CCDC178: variants seen among roughly 807,000 people sequenced by gnomAD.
The protein encoded by CCDC178 is coiled-coil domain-containing protein 178.
Under a neutral mutation model 117.4 loss-of-function variants are expected in CCDC178, and 126 were observed. The ratio of observed to expected loss-of-function variants is 1.07; its 90% CI spans 0.93 to 1.24. CCDC178 has a LOEUF of 1.24. CCDC178 is among the 50% of genes most tolerant of loss of function. CCDC178 has a pLI of 0.00. For synonymous variants in CCDC178, 283 were observed against 313.4 expected (o/e 0.90, Z 1.02); for missense variants, 1,030 against 986.9 (o/e 1.04, Z -0.59).
At chr18:33,044,664 A>T (rs35834553) in intron 21 of CCDC178, among the ~76,000 whole-genome samples, 1 of 151,924 alleles carries the variant, frequency 6.6e-6, no homozygotes, top group East Asian at 1.9e-4. Context: ...ATCTGGGTAT[A>T]TACCCAAAGG....
At chr18:33,323,704 G>T in intron 10 of CCDC178, 71 bp from the exon 11 acceptor site, 3 of 924,886 alleles carry the variant, frequency 3.2e-6, no homozygotes, top group Non-Finnish European at 4.4e-6. Context: ...TCAACTTAGT[G>T]TAGTATTGAT....
At chr18:33,049,036 T>G (rs535272570) in intron 21 of CCDC178, among the ~76,000 whole-genome samples, 91 of 152,110 alleles carry the variant, frequency 6.0e-4, no homozygotes, top group Non-Finnish European at 1.0e-3. Context: ...AATCAACTGA[T>G]AAGCAAATGA....
intron 20 of CCDC178, among the ~76,000 whole-genome samples, chr18:33,177,059 C>G (rs940411009): frequency 2.0e-5 from 3 of 152,150 alleles, no homozygotes; most frequent in African/African-American, 7.2e-5. Flanking sequence ...TTTGCAGGTA[C>G]ATGGATAAAG....
chr18:33,279,063 C>T, intron 12 of CCDC178, among the ~76,000 whole-genome samples: 1 of 149,232 alleles, frequency 6.7e-6, no homozygotes, highest in South Asian at 2.1e-4. Flanking sequence ...GATGCCCTCA[C>T]TCACCACTCC....
intron 15 of CCDC178, among the ~76,000 whole-genome samples, chr18:33,237,191 G>C (rs1420053323): frequency 1.3e-5 from 2 of 152,100 alleles, no homozygotes; most frequent in African/African-American, 4.8e-5. Flanking sequence ...TCCAAGCCCA[G>C]TGGCTACACT....
At chr18:33,012,441 T>C (rs1305476367) in intron 21 of CCDC178, among the ~76,000 whole-genome samples, 1 of 152,184 alleles carries the variant, frequency 6.6e-6, no homozygotes, top group African/African-American at 2.4e-5. Context: ...ATATTTTACA[T>C]GTATATGATT....
chr18:33,084,379 A>G (rs529875587), intron 21 of CCDC178, among the ~76,000 whole-genome samples: 2 of 152,070 alleles, frequency 1.3e-5, no homozygotes, highest in Non-Finnish European at 2.9e-5. Context: ...CCATCTGTAA[A>G]ATTTTACAGG....
At position 33,121,670 on chromosome 18, in the gene CCDC178, A is replaced by G. The variant is rs376839791; in HGVS notation, c.2239-28760T>C. 2.6e-5 allele frequency among the ~76,000 whole-genome samples: 4 copies of G among 152,252 alleles called. No individual in the cohort carries two copies. In the East Asian group the frequency reaches 7.7e-4, roughly 29 times the overall value. ...GGAAGACCCAAGTCTGAGGCTAGATATTGCCACTAAAAGCATCGTAATCTC... is the reference window on the plus strand; with the variant it reads ...GGAAGACCCAAGTCTGAGGCTAGATGTTGCCACTAAAAGCATCGTAATCTC... On this transcript the variant is annotated intron_variant, in intron 20 of 22. Coordinates refer to ENST00000383096, the MANE Select transcript of CCDC178 (RefSeq NM_001105528.4).
At chr18:33,166,581 G>A (rs1242666198) in intron 20 of CCDC178, among the ~76,000 whole-genome samples, 1 of 152,148 alleles carries the variant, frequency 6.6e-6, no homozygotes, top group African/African-American at 2.4e-5. Flanking sequence ...ACAAGGTTCA[G>A]TAACATTAAC....
chr18:32,955,973 T>C (rs2054585352), intron 22 of CCDC178, among the ~76,000 whole-genome samples: 1 of 152,208 alleles, frequency 6.6e-6, no homozygotes, highest in South Asian at 2.1e-4. Context: ...CTAGCCATCA[T>C]GGTCCATTCC....
At chr18:33,369,606 A>G (rs1407343517) in intron 6 of CCDC178, among the ~76,000 whole-genome samples, 3 of 152,072 alleles carry the variant, frequency 2.0e-5, no homozygotes, top group African/African-American at 7.2e-5. Flanking sequence ...ACAGGTTAAA[A>G]AGACATAGAA....
Position 33,215,598 on chromosome 18 carries a change from GC to G in CCDC178, c.2029del (p.Ala677GlnfsTer16). ...KINELNEELK[A>X]KEEEKKSFDQ... ...AAAACTTTTCTTTTCTTCTTCTTTT[GC>G]TTTTAATTCCTCATTCAATTCATTT... On this transcript the variant is annotated frameshift_variant, in exon 19 of 23. Coordinates refer to ENST00000383096, the MANE Select transcript of CCDC178 (RefSeq NM_001105528.4). LOFTEE classifies it high-confidence loss of function. 1 of 1,497,372 alleles carries G rather than the reference GC, an allele frequency of 6.7e-7. No individual in the cohort carries two copies. The highest frequency in any genetic ancestry group is 1.3e-5 in the South Asian group (1 of 75,104). 92.8% of individuals were successfully genotyped at this position (1,497,372 alleles called of 1,614,324 possible).
intron 2 of CCDC178, among the ~76,000 whole-genome samples, chr18:33,429,115 T>C (rs1312931668): frequency 6.6e-6 from 1 of 152,080 alleles, no homozygotes; most frequent in African/African-American, 2.4e-5. Flanking sequence ...AGCTATGACT[T>C]CATAAATATA....
chr18:33,213,545 C>CA (rs1176403929), intron 19 of CCDC178, among the ~76,000 whole-genome samples: 1 of 151,778 alleles, frequency 6.6e-6, no homozygotes, highest in East Asian at 1.9e-4. Flanking sequence ...TAGTTGATCC[C>CA]AAAAAAACAT....
intron 21 of CCDC178, among the ~76,000 whole-genome samples, chr18:33,001,910 G>A (rs1362031634): frequency 6.6e-6 from 1 of 152,022 alleles, no homozygotes; most frequent in African/African-American, 2.4e-5. Flanking sequence ...TGGATTTCAG[G>A]CAAAAACTAC....
At chr18:33,395,078 C>T (rs961775760) in intron 4 of CCDC178, among the ~76,000 whole-genome samples, 1 of 147,504 alleles carries the variant, frequency 6.8e-6, no homozygotes, top group Admixed American at 6.9e-5. Context: ...GCACAGGGTG[C>T]AAAATGACAT....
chr18:33,072,142 T>C (rs1265556972), intron 21 of CCDC178, among the ~76,000 whole-genome samples: 2 of 152,150 alleles, frequency 1.3e-5, no homozygotes, highest in African/African-American at 4.8e-5. Flanking sequence ...ACTAATACTA[T>C]ACTTTTAAAT....
At chr18:33,173,686 A>G (rs1477474727) in intron 20 of CCDC178, among the ~76,000 whole-genome samples, 1 of 152,168 alleles carries the variant, frequency 6.6e-6, no homozygotes, top group Non-Finnish European at 1.5e-5. Context: ...CTCCTAATGT[A>G]TCTTTGCCTT....
chr18:33,281,128 C>T lies in CCDC178; in HGVS notation c.1176+12031G>A, dbSNP rs137859881. 4.7e-3 allele frequency among the ~76,000 whole-genome samples: 665 copies of T among 142,302 alleles called. 2 individuals are homozygous for T. Among genetic ancestry groups the T allele is most frequent in the Non-Finnish European group, 7.3e-3 (481 of 66,038 alleles). The allele number at this position is 142,302 out of a possible 152,430, so 93.4% of individuals were successfully genotyped here. A position where few individuals can be genotyped will look rare whatever the true frequency, so the allele number is the denominator to read the frequency against. On this transcript the variant is annotated intron_variant, in intron 12 of 22. Coordinates refer to ENST00000383096, the MANE Select transcript of CCDC178 (RefSeq NM_001105528.4). ...AATAATAATAATAAAGAAACACACA[C>T]ACAAAAAATAAATAAAATTAAAATG...
Sources: allele counts gnomAD v4.1 joint callset (sites outside exome capture counted in the v4.1 genomes callset), GRCh38; gene constraint gnomAD v4.1.1; transcripts MANE v1.5; gene names NCBI Gene and HGNC (gene_info 2026-07-23, HGNC 2026-07-21).